ABCC12: variants seen among roughly 807,000 people sequenced by gnomAD.
The protein encoded by ABCC12 is ATP binding cassette subfamily C member 12, also known as ATP-binding cassette sub-family C member 12.
In ABCC12, 142 loss-of-function variants were observed where a neutral mutation model predicts 151.1. The ratio of observed to expected loss-of-function variants is 0.94; its 90% CI spans 0.82 to 1.08. The LOEUF is 1.08. Among genes scored for constraint, ABCC12 ranks in the 50% least tolerant of loss-of-function variants. The pLI, the probability that ABCC12 is intolerant of heterozygous loss-of-function variation, is 0.00. For synonymous variants in ABCC12, 645 were observed against 646.4 expected, an observed-to-expected ratio of 1.00 and a Z score of 0.03; for missense variants, 1,638 against 1,691.1, an observed-to-expected ratio of 0.97 and a Z score of 0.55.
At chr16:48,107,543 C>T (rs898596458) in intron 19 of ABCC12, 118 bp from the exon 20 acceptor site, 17 of 790,226 alleles carry the variant, frequency 2.2e-5, no homozygotes, top group Admixed American at 1.1e-4. Flanking sequence ...AGGACTCCCA[C>T]GCCTGGAAAC....
At chr16:48,135,012 A>G (rs1038770807) in intron 8 of ABCC12, among the ~76,000 whole-genome samples, 1 of 150,394 alleles carries the variant, frequency 6.6e-6, no homozygotes, top group Non-Finnish European at 1.5e-5. Context: ...AGATTGCACC[A>G]CTGCACTCCA....
rs1269218938 is a variant in ABCC12 at position 48,085,596 on chromosome 16, T to C, written c.3825A>G (p.Ser1275=). 2 of 1,613,788 alleles carry C rather than the reference T, an allele frequency of 1.2e-6. No individual in the cohort carries two copies. Among genetic ancestry groups the C allele is most frequent in the Admixed American group, 1.7e-5 (1 of 59,986 alleles). The change falls in exon 29 of 31, where the codon TCA becomes TCG. Residue 1275 remains serine, a synonymous_variant. Transcript: ENST00000311303. ...TCCATTTTCCGTGTTTTCTTACCTT[T>C]GAATTACGGAGAAGAGCTCGGGCCA... ...LCVARALLRN[S]KIILLDEATA...
chr16:48,107,181 A>G (rs773064669), intron 20 of ABCC12, 141 bp downstream of exon 20: 127 of 806,058 alleles, frequency 1.6e-4, no homozygotes, highest in Non-Finnish European at 2.5e-4. Flanking sequence ...TGGTGTAAGC[A>G]TCTGACTCCC....
At chr16:48,096,042 C>G (rs1963081430) in intron 24 of ABCC12, among the ~76,000 whole-genome samples, 1 of 152,084 alleles carries the variant, frequency 6.6e-6, no homozygotes, top group Admixed American at 6.5e-5. Flanking sequence ...AAATGGGGAC[C>G]ACAGCAGTAT....
intron 9 of ABCC12, among the ~76,000 whole-genome samples, chr16:48,132,549 G>A (rs2150658687): frequency 6.6e-6 from 1 of 151,870 alleles, no homozygotes; most frequent in Middle Eastern, 3.4e-3. Context: ...TGTTGCCTTT[G>A]TTGGCTTTCC....
chr16:48,138,805 ATT>A (rs112593695), intron 7 of ABCC12, among the ~76,000 whole-genome samples: 1 of 148,338 alleles, frequency 6.7e-6, no homozygotes, highest in African/African-American at 2.5e-5. Context: ...TATCTCTACA[ATT>A]TTTTTTTTTA....
At position 48,139,231 on chromosome 16, in the gene ABCC12, C is replaced by A; in HGVS notation, c.763G>T (p.Ala255Ser). Reference protein sequence around the residue: ...PILMVFCAAYAFFILGPTALI... With the variant: ...PILMVFCAAYSFFILGPTALI... ...GCTGTGGGCCCCAGAATGAAAAAGG[C>A]GTACGCCGCACAAAAGACCATTAGG... The change falls in exon 7 of 31, where the codon GCC (alanine) becomes TCC (serine). Residue 255 changes from alanine to serine, a missense_variant. By Grantham distance (99) the Ala-to-Ser change is moderately conservative. Coordinates refer to ENST00000311303, the MANE Select transcript of ABCC12 (RefSeq NM_001393797.1). 1 of 1,614,012 alleles carries A rather than the reference C, an allele frequency of 6.2e-7. No individual in the cohort carries two copies. The highest frequency in any genetic ancestry group is 8.5e-7 in the Non-Finnish European group (1 of 1,179,998).
At chr16:48,088,196 A>T in intron 26 of ABCC12, 111 bp from the exon 27 acceptor site, 2 of 1,263,644 alleles carry the variant, frequency 1.6e-6, no homozygotes, top group Non-Finnish European at 2.2e-6. Context: ...CTCCGTAAGG[A>T]TGACAGTGTA....
intron 18 of ABCC12, 99 bp from the exon 19 acceptor site, chr16:48,108,628 G>A: frequency 1.2e-6 from 1 of 816,058 alleles, no homozygotes. Context: ...ACGGCTAAGG[G>A]GGCTGTGATG....
chr16:48,084,381 C>G (rs1159519490), intron 29 of ABCC12, among the ~76,000 whole-genome samples: 1 of 152,222 alleles, frequency 6.6e-6, no homozygotes, highest in Non-Finnish European at 1.5e-5. Flanking sequence ...CAGGCTTTAT[C>G]TACTGTGCTA....
intron 8 of ABCC12, among the ~76,000 whole-genome samples, chr16:48,134,036 G>A (rs1211090279): frequency 6.6e-6 from 1 of 152,194 alleles, no homozygotes; most frequent in East Asian, 1.9e-4. Flanking sequence ...GCTGCCGTAA[G>A]TGGATGGTGT....
Position 48,105,719 on chromosome 16 carries a change from C to T in ABCC12, c.2476-383G>A, listed in dbSNP as rs143429902. Among the ~76,000 whole-genome samples, 284 of 152,292 alleles carry T rather than the reference C, an allele frequency of 1.9e-3. 4 individuals are homozygous for T. The highest frequency in any genetic ancestry group is 6.8e-3 in the Middle Eastern group (2 of 294). ...ATTCCACCAGGCTGGAGGAGTAACCCTCAGGCAACCCGGACTGGATAGAGG... is the reference window on the plus strand; with the variant it reads ...ATTCCACCAGGCTGGAGGAGTAACCTTCAGGCAACCCGGACTGGATAGAGG... On this transcript the variant is annotated intron_variant, in intron 20 of 30. Transcript: ENST00000311303.
chr16:48,142,622 T>A (rs1214710616), intron 4 of ABCC12, among the ~76,000 whole-genome samples: 1 of 152,152 alleles, frequency 6.6e-6, no homozygotes, highest in African/African-American at 2.4e-5. Flanking sequence ...CTAGAAGCAA[T>A]TAGGAGGCCA....
rs150922331 is a variant in ABCC12, at chr16:48,124,280, T to C, written c.1520A>G (p.Lys507Arg). The change falls in exon 12 of 31, where the codon AAG becomes AGG. Residue 507 changes from lysine (K) to arginine (R), a missense_variant. Transcript: ENST00000311303. Reference protein sequence around the residue: ...HSISFVVRKGKILGICGNVGS... With the variant: ...HSISFVVRKGRILGICGNVGS... ...CACATTCCCACATATTCCCAAGATC[T>C]TCCCCTGCCAGAGAAACAGAGATGG... The C allele has an allele frequency of 5.0e-5, 81 of 1,614,044 alleles. No homozygotes were observed. The East Asian group carries it at 1.2e-3, about 24-fold the overall frequency.
intron 11 of ABCC12, among the ~76,000 whole-genome samples, chr16:48,124,789 A>T (rs1964185990): frequency 1.3e-5 from 2 of 152,178 alleles, no homozygotes; most frequent in Non-Finnish European, 2.9e-5. Context: ...CAACCAACAA[A>T]TCATTATCAG....
chr16:48,117,375 C>T (rs1384683097), intron 13 of ABCC12, 42 bp from the exon 14 acceptor site: 2 of 1,602,186 alleles, frequency 1.2e-6, no homozygotes, highest in South Asian at 2.2e-5. Flanking sequence ...GAGAAAGACC[C>T]CAAGCACTGC....
Position 48,108,334 on chromosome 16 carries a change from T to A in ABCC12, c.2371+106A>T, listed in dbSNP as rs1275878945. On this transcript the variant is annotated intron_variant, in intron 19 of 30. Coordinates refer to ENST00000311303, the MANE Select transcript of ABCC12 (RefSeq NM_001393797.1). ...AAAGCATTGATAAATGGCCCTAGCA[T>A]AAACAGAATAATTGTTAAAGAAATC... is the stretch of plus-strand genomic sequence containing the variant. 1.1e-5 allele frequency: 12 copies of A among 1,062,354 alleles called. No homozygotes were observed. In the East Asian group the frequency reaches 2.7e-4, roughly 24 times the overall value. The allele number at this position is 1,062,354 out of a possible 1,614,324, so 65.8% of individuals were successfully genotyped here.
intron 2 of ABCC12, among the ~76,000 whole-genome samples, chr16:48,148,626 C>T (rs994350269): frequency 1.3e-5 from 2 of 152,050 alleles, no homozygotes; most frequent in African/African-American, 4.8e-5. Flanking sequence ...CAGAGACTCC[C>T]TAAACCTCTG....
Position 48,128,379 on chromosome 16 carries a change from T to G in ABCC12, c.1515+80A>C. ...TCACCACCTTCAGCTCTAACTGAACTGTATCAGACCTGGAGAAGGCTGTAG... is the reference window on the plus strand; with the variant it reads ...TCACCACCTTCAGCTCTAACTGAACGGTATCAGACCTGGAGAAGGCTGTAG... On this transcript the variant is annotated intron_variant, in intron 11 of 30. Coordinates refer to ENST00000311303, the MANE Select transcript of ABCC12 (RefSeq NM_001393797.1). 1.9e-6 allele frequency: 3 copies of G among 1,552,200 alleles called. 1 individual carries two copies. Among genetic ancestry groups the G allele is most frequent in the South Asian group, 2.5e-5 (2 of 80,676 alleles).
Sources: gnomAD v4.1 joint callset for allele counts (sites outside exome capture counted in the v4.1 genomes callset) on GRCh38, gnomAD v4.1.1 for gene constraint, MANE v1.5 for transcripts, NCBI Gene and HGNC (gene_info 2026-07-23, HGNC 2026-07-21) for gene names.